FLVCR2: variants seen among roughly 807,000 people sequenced by gnomAD.
FLVCR2 encodes choline/ethanolamine transporter FLVCR2.
A neutral mutation model predicts 48.9 loss-of-function variants in FLVCR2; 38 were observed. The ratio of observed to expected loss-of-function variants is 0.78; its 90% CI spans 0.60 to 1.02. The LOEUF is 1.02. Among genes scored for constraint, FLVCR2 ranks in the 50% least tolerant of loss-of-function variants. FLVCR2 has a pLI of 0.00. For missense variants in FLVCR2, 664 were observed against 663.3 expected (o/e 1.00, Z -0.01); for synonymous variants, 255 against 257.0 (o/e 0.99, Z 0.07).
intron 3 of FLVCR2, among the ~76,000 whole-genome samples, chr14:75,626,805 A>G (rs1889911854): frequency 6.6e-6 from 1 of 152,076 alleles, no homozygotes; most frequent in Non-Finnish European, 1.5e-5. Flanking sequence ...TACTTTCGCT[A>G]GAGTTGGACA....
intron 1 of FLVCR2, among the ~76,000 whole-genome samples, chr14:75,601,535 A>T (rs1199638690): frequency 6.6e-6 from 1 of 152,164 alleles, no homozygotes; most frequent in Non-Finnish European, 1.5e-5. Context: ...TAAAAAAAAA[A>T]GTGTTGGTAA....
chr14:75,615,830 TA>T (rs1408844892), intron 1 of FLVCR2, among the ~76,000 whole-genome samples: 1 of 137,134 alleles, frequency 7.3e-6, no homozygotes, highest in Non-Finnish European at 1.6e-5. Context: ...CCATCCTGGC[TA>T]ACACATGAAA....
intron 9 of FLVCR2, among the ~76,000 whole-genome samples, chr14:75,644,824 C>G (rs1485378501): frequency 6.6e-6 from 1 of 152,132 alleles, no homozygotes; most frequent in Admixed American, 6.5e-5. Flanking sequence ...CAGACCTGCT[C>G]TTTCTAATCA....
At chr14:75,598,553 C>T (rs748232386) in intron 1 of FLVCR2, among the ~76,000 whole-genome samples, 11 of 152,208 alleles carry the variant, frequency 7.2e-5, no homozygotes, top group Non-Finnish European at 4.4e-5. Context: ...TCTCAGCACA[C>T]TGCAGTCTTG....
intron 1 of FLVCR2, among the ~76,000 whole-genome samples, chr14:75,620,369 A>G (rs1466209227): frequency 1.3e-5 from 2 of 152,190 alleles, no homozygotes; most frequent in Non-Finnish European, 2.9e-5. Flanking sequence ...AAGCCAGGAG[A>G]TCTGCTTTCT....
intron 5 of FLVCR2, among the ~76,000 whole-genome samples, chr14:75,636,417 C>G (rs965423587): frequency 2.0e-5 from 3 of 152,238 alleles, no homozygotes; most frequent in African/African-American, 7.2e-5. Context: ...GACACAAGAG[C>G]AGTGAGGACT....
chr14:75,602,540 C>T (rs749966016), intron 1 of FLVCR2, among the ~76,000 whole-genome samples: 10 of 152,006 alleles, frequency 6.6e-5, no homozygotes, highest in Non-Finnish European at 7.4e-5. Flanking sequence ...ATTCCTATCA[C>T]TCAGGAAATC....
At chr14:75,602,829 A>G (rs567334416) in intron 1 of FLVCR2, among the ~76,000 whole-genome samples, 2 of 152,262 alleles carry the variant, frequency 1.3e-5, no homozygotes, top group African/African-American at 2.4e-5. Flanking sequence ...AAAATCAACA[A>G]TTGTGTATAT....
intron 1 of FLVCR2, among the ~76,000 whole-genome samples, chr14:75,606,214 A>G (rs1401304049): frequency 6.6e-6 from 1 of 151,892 alleles, no homozygotes; most frequent in Non-Finnish European, 1.5e-5. Flanking sequence ...TTTTGTAGAG[A>G]TGGGGTTTTG....
At chr14:75,605,677 C>A in intron 1 of FLVCR2, 1 of 1,506,058 alleles carries the variant, frequency 6.6e-7, no homozygotes, top group South Asian at 1.2e-5. Flanking sequence ...GCCGTGTGTC[C>A]GGAGCCTTAG....
At chr14:75,584,283 C>T (rs978077291) in intron 1 of FLVCR2, among the ~76,000 whole-genome samples, 18 of 152,340 alleles carry the variant, frequency 1.2e-4, no homozygotes, top group Non-Finnish European at 1.9e-4. Flanking sequence ...TACTGTCTGG[C>T]TACCTCCTAT....
intron 3 of FLVCR2, chr14:75,631,824 G>A (rs1261807739): frequency 2.2e-6 from 1 of 455,944 alleles, no homozygotes; most frequent in Non-Finnish European, 4.4e-6. Context: ...CTAAGTGGCT[G>A]AGTATGTACT....
At chr14:75,605,005 C>T (rs949860492) in intron 1 of FLVCR2, among the ~76,000 whole-genome samples, 1 of 152,184 alleles carries the variant, frequency 6.6e-6, no homozygotes, top group Non-Finnish European at 1.5e-5. Context: ...ACTTTAGTCT[C>T]ACAAACCTGA....
intron 4 of FLVCR2, among the ~76,000 whole-genome samples, chr14:75,634,009 A>C (rs928786433): frequency 1.3e-5 from 2 of 151,958 alleles, no homozygotes; most frequent in Admixed American, 1.3e-4. Context: ...GTAAATAATG[A>C]CGCTTGTGTA....
rs141547166 is a variant in FLVCR2, at chr14:75,582,067, T to A, written c.669+2426T>A. On this transcript the variant is annotated intron_variant, in intron 1 of 9. Transcript: ENST00000238667. ...CGATGAGAAGGAGAAAAACTGGCCG[T>A]GAGGGACAGAAGTTGTAATGCTAGC... Among the ~76,000 whole-genome samples, 794 of 152,232 alleles carry A rather than the reference T, an allele frequency of 5.2e-3. 10 individuals are homozygous for A. Among genetic ancestry groups the A allele is most frequent in the African/African-American group, 0.018 (766 of 41,534 alleles).
rs769755955 is a variant in FLVCR2, at chr14:75,622,264, G to C, written c.811+44G>C. The C allele has an allele frequency of 3.1e-6, 5 of 1,598,900 alleles. No homozygotes were observed. In the South Asian group the frequency reaches 5.5e-5, roughly 18 times the overall value. On this transcript the variant is annotated intron_variant, in intron 2 of 9. Coordinates refer to ENST00000238667, the MANE Select transcript of FLVCR2 (RefSeq NM_017791.3). The stretch of plus-strand genomic sequence containing the variant: ...AGATGGGGTAGCAGGGGGCGAAGGG[G>C]CAGGGAGATTCTGCTGACTTTGATG...
chr14:75,590,599 A>G (rs552280863), intron 1 of FLVCR2, among the ~76,000 whole-genome samples: 10 of 152,290 alleles, frequency 6.6e-5, no homozygotes, highest in African/African-American at 2.4e-4. Flanking sequence ...GTTCTCATGC[A>G]TGGTTTAGCA....
At chr14:75,640,892 G>A (rs1259538212) in intron 6 of FLVCR2, 63 bp from the exon 7 acceptor site, 14 of 1,143,588 alleles carry the variant, frequency 1.2e-5, no homozygotes, top group Non-Finnish European at 1.7e-5. Context: ...GGAGGAGGTG[G>A]GCTCCCCATC....
At chr14:75,604,562 TAA>T (rs11306197) in intron 1 of FLVCR2, among the ~76,000 whole-genome samples, 15 of 146,630 alleles carry the variant, frequency 1.0e-4, no homozygotes, top group African/African-American at 2.2e-4. Flanking sequence ...TGTCTCTACC[TAA>T]AAAAAAAAAA....
Sources: allele counts gnomAD v4.1 joint callset (sites outside exome capture counted in the v4.1 genomes callset), GRCh38; gene constraint gnomAD v4.1.1; transcripts MANE v1.5; gene names NCBI Gene and HGNC (gene_info 2026-07-23, HGNC 2026-07-21).